Variants in LARGE1 observed in about 807,000 individuals in gnomAD.
The protein encoded by LARGE1 is xylosyl- and glucuronyltransferase LARGE1.
In LARGE1, 43 loss-of-function variants were observed where a neutral mutation model predicts 87.6. That is an observed-to-expected ratio of 0.49 (90% CI 0.38 to 0.63). LARGE1 has a LOEUF of 0.63. LARGE1 is among the 30% of genes least tolerant of loss of function. The pLI is 0.00. For synonymous variants in LARGE1, 434 were observed against 394.6 expected (o/e 1.10, Z -1.18); for missense variants, 802 against 1,000.2 (o/e 0.80, Z 2.67).
chr22:33,870,946 T>C (rs2064260707), intron 1 of LARGE1, among the ~76,000 whole-genome samples: 1 of 152,146 alleles, frequency 6.6e-6, no homozygotes, highest in South Asian at 2.1e-4. Context: ...TTGTATGTGG[T>C]CTAATGTGGA....
At chr22:33,852,949 G>T (rs2146521261) in intron 1 of LARGE1, among the ~76,000 whole-genome samples, 1 of 151,720 alleles carries the variant, frequency 6.6e-6, no homozygotes, top group South Asian at 2.1e-4. Context: ...GGTAAAGAGG[G>T]ATGGGAATGC....
intron 6 of LARGE1, among the ~76,000 whole-genome samples, chr22:33,468,891 G>A (rs1350711010): frequency 6.6e-6 from 1 of 152,012 alleles, no homozygotes; most frequent in African/African-American, 2.4e-5. Context: ...ATTTGCCTCC[G>A]ACTTACACCT....
intron 11 of LARGE1, among the ~76,000 whole-genome samples, chr22:33,207,659 A>G (rs74726136): frequency 1.8e-3 from 278 of 152,246 alleles, no homozygotes; most frequent in African/African-American, 6.5e-3. Flanking sequence ...CGACCCCATT[A>G]TAAGCTTCTT....
At chr22:33,245,151 A>G (rs1926699265) in intron 11 of LARGE1, among the ~76,000 whole-genome samples, 1 of 152,092 alleles carries the variant, frequency 6.6e-6, no homozygotes, top group Admixed American at 6.6e-5. Flanking sequence ...AAGATTTTTT[A>G]AGATTAGGAA....
At chr22:33,451,351 C>CTTATT (rs10629325) in intron 6 of LARGE1, among the ~76,000 whole-genome samples, 42,201 of 149,948 alleles carry the variant, frequency 0.28, 6,782 homozygotes, top group African/African-American at 0.44. Flanking sequence ...CAAAAAAATT[C>CTTATT]TTATTTTATT....
At chr22:33,655,558 A>G (rs1160011715) in intron 2 of LARGE1, among the ~76,000 whole-genome samples, 1 of 152,246 alleles carries the variant, frequency 6.6e-6, no homozygotes, top group East Asian at 1.9e-4. Context: ...TTCCATAATC[A>G]TGCAAGCCAA....
the LARGE1 span, among the ~76,000 whole-genome samples, chr22:33,069,516 G>C: frequency 1.3e-5 from 2 of 152,096 alleles, no homozygotes; most frequent in Non-Finnish European, 1.5e-5. Flanking sequence ...CTCACCACAT[G>C]ATCACTGCCA....
intron 1 of LARGE1, among the ~76,000 whole-genome samples, chr22:33,903,504 T>G (rs939442303): frequency 9.9e-5 from 15 of 151,902 alleles, no homozygotes; most frequent in Admixed American, 7.9e-4. Flanking sequence ...CAAAACACAT[T>G]GTCAGAGATT....
chr22:33,444,128 A>T (rs2147851744), intron 6 of LARGE1, among the ~76,000 whole-genome samples: 1 of 152,370 alleles, frequency 6.6e-6, no homozygotes, highest in East Asian at 1.9e-4. Context: ...TCTGTGTAGG[A>T]TAAGGCCAAC....
chr22:33,580,761 C>T (rs976746415), intron 5 of LARGE1, among the ~76,000 whole-genome samples: 9 of 152,146 alleles, frequency 5.9e-5, no homozygotes, highest in African/African-American at 2.2e-4. Flanking sequence ...GCTATTATGC[C>T]TCTGAATAAG....
At chr22:33,718,880 T>C (rs1213658491) in intron 2 of LARGE1, among the ~76,000 whole-genome samples, 1 of 152,170 alleles carries the variant, frequency 6.6e-6, no homozygotes, top group African/African-American at 2.4e-5. Flanking sequence ...AACCTCCACC[T>C]CCCAGGTTCA....
At chr22:33,893,059 G>A (rs2065044614) in intron 1 of LARGE1, among the ~76,000 whole-genome samples, 1 of 152,260 alleles carries the variant, frequency 6.6e-6, no homozygotes, top group African/African-American at 2.4e-5. Context: ...GGGTTCAGCA[G>A]AAGCACATTA....
chr22:33,662,076 CAAAAAAAAAA>C (rs34470280), intron 2 of LARGE1, among the ~76,000 whole-genome samples: 6 of 54,908 alleles, frequency 1.1e-4, no homozygotes, highest in South Asian at 1.0e-3. Flanking sequence ...GCTTAGGAGC[CAAAAAAAAAA>C]AAAAAAAAAA....
chr22:33,514,759 G>A (rs1477673953), intron 6 of LARGE1, among the ~76,000 whole-genome samples: 2 of 152,284 alleles, frequency 1.3e-5, no homozygotes, highest in East Asian at 3.9e-4. Context: ...ACGTGGAGGA[G>A]AGACAATCAC....
At chr22:33,793,794 T>A (rs1041086848) in intron 1 of LARGE1, among the ~76,000 whole-genome samples, 1 of 151,866 alleles carries the variant, frequency 6.6e-6, no homozygotes, top group African/African-American at 2.4e-5. Flanking sequence ...CCAACTTTTT[T>A]TTTTTCATAA....
chr22:33,606,763 T>C (rs1439994262), intron 4 of LARGE1, among the ~76,000 whole-genome samples: 1 of 152,162 alleles, frequency 6.6e-6, no homozygotes, highest in African/African-American at 2.4e-5. Flanking sequence ...CCTGCTGTCA[T>C]GGAGCTCACA....
the LARGE1 span, among the ~76,000 whole-genome samples, chr22:33,077,405 C>T: frequency 1.3e-5 from 2 of 152,092 alleles, no homozygotes; most frequent in Non-Finnish European, 2.9e-5. Flanking sequence ...AATCTGGGCT[C>T]TTATTTAGGT....
chr22:33,071,238 C>A, the LARGE1 span, among the ~76,000 whole-genome samples: 1 of 152,136 alleles, frequency 6.6e-6, no homozygotes, highest in Non-Finnish European at 1.5e-5. Flanking sequence ...TACCTGGATT[C>A]TACAGACCCC....
intron 11 of LARGE1, among the ~76,000 whole-genome samples, chr22:33,178,335 T>A (rs1922989370): frequency 1.3e-5 from 2 of 152,158 alleles, no homozygotes; most frequent in African/African-American, 4.8e-5. Context: ...GCCACTTTGA[T>A]CTGAACACTG....
Sources: allele counts gnomAD v4.1 joint callset (sites outside exome capture counted in the v4.1 genomes callset), GRCh38; gene constraint gnomAD v4.1.1; transcripts MANE v1.5; gene names NCBI Gene and HGNC (gene_info 2026-07-23, HGNC 2026-07-21).